The following POLR2D variants were observed in gnomAD, a reference collection of about 807,000 sequenced individuals.
The protein encoded by POLR2D is DNA-directed RNA polymerase II subunit RPB4.
In POLR2D, 10 loss-of-function variants were observed where a neutral mutation model predicts 17.6. The observed-to-expected ratio is 0.57, with a 90% confidence interval of 0.35 to 0.96. The LOEUF is 0.96. POLR2D is among the 40% of genes least tolerant of loss of function. The pLI, the probability that POLR2D is intolerant of heterozygous loss-of-function variation, is 0.02. For missense variants in POLR2D, 126 were observed against 176.4 expected (o/e 0.71, Z 1.62); for synonymous variants, 52 against 60.2 (o/e 0.86, Z 0.63).
chr2:127,848,123 C>A lies in POLR2D; in HGVS notation c.413G>T (p.Arg138Leu), dbSNP rs771326394. ...GTTTGGAGATTAATACTGAAAGCTGCGCTTTGTCTGGATATCATCAAGAAT... is the reference window on the plus strand; with the variant it reads ...GTTTGGAGATTAATACTGAAAGCTGAGCTTTGTCTGGATATCATCAAGAAT... The part of the protein sequence containing the change: ...QQILDDIQTK[R>L]SFQY The change falls in exon 4 of 4, where the codon CGC becomes CTC. Residue 138 changes from arginine to leucine, a missense_variant. Physicochemically the swap from Arg to Leu is moderately radical, Grantham distance 102 (BLOSUM62 -2). This residue lies in a region of POLR2D where 85 missense variants were observed against 151.4 expected (regional missense o/e 0.56). Coordinates refer to ENST00000272645, the MANE Select transcript of POLR2D (RefSeq NM_004805.4). 3.1e-6 allele frequency: 5 copies of A among 1,608,774 alleles called. No homozygotes were observed. The highest frequency in any genetic ancestry group is 3.4e-6 in the Non-Finnish European group (4 of 1,175,166).
chr2:127,856,311 G>T (rs1308192618), intron 1 of POLR2D, among the ~76,000 whole-genome samples: 1 of 10,860 alleles, frequency 9.2e-5, no homozygotes, highest in Non-Finnish European at 3.0e-4. Context: ...AAAAAAAAAG[G>T]CAGGGTGAGG....
chr2:127,847,306 T>C lies in POLR2D; in HGVS notation c.*801A>G, dbSNP rs1353174672. 6.6e-6 allele frequency: 1 copy of C among 152,218 alleles called. No individual in the cohort carries two copies. Among genetic ancestry groups the C allele is most frequent in the Non-Finnish European group, 1.5e-5 (1 of 68,092 alleles). The allele number at this position is 152,218 out of a possible 1,614,324, so 9.4% of individuals were successfully genotyped here. A position where few individuals can be genotyped will look rare whatever the true frequency, so the allele number is the denominator to read the frequency against. On this transcript the variant is annotated 3_prime_UTR_variant, in exon 4 of 4. Transcript: ENST00000272645. ...GGCGTGCTTCTTCCGTCTCCCAGGT[T>C]AGGCACAACGATGCCAAGGTGCTGT...
intron 3 of POLR2D, among the ~76,000 whole-genome samples, chr2:127,850,132 C>G (rs548041355): frequency 5.4e-4 from 82 of 151,864 alleles, no homozygotes; most frequent in Non-Finnish European, 8.7e-4. Context: ...AACCATCATT[C>G]TCACACACTG....
rs1183567640 is a variant in POLR2D, at chr2:127,858,149, G to T, written c.-49C>A. On this transcript the variant is annotated 5_prime_UTR_variant, in exon 1 of 4. Coordinates refer to ENST00000272645, the MANE Select transcript of POLR2D (RefSeq NM_004805.4). The stretch of plus-strand genomic sequence containing the variant: ...CACCAGCGCCGCCGGAAGCAGAAGC[G>T]CGGAGCAACGGCCGCGGAAGGGGCG... 26 of 1,352,970 alleles carry T rather than the reference G, an allele frequency of 1.9e-5. 2 individuals carry two copies. The highest frequency in any genetic ancestry group is 1.9e-6 in the Non-Finnish European group (2 of 1,037,286). 83.8% of individuals were successfully genotyped at this position (1,352,970 alleles called of 1,614,324 possible). A position where few individuals can be genotyped will look rare whatever the true frequency, so the allele number is the denominator to read the frequency against.
Position 127,845,909 on chromosome 2 carries a change from T to C in POLR2D, c.*2198A>G, listed in dbSNP as rs1690146119. The C allele has an allele frequency of 6.6e-6, 1 of 152,222 alleles. No individual in the cohort carries two copies. Among genetic ancestry groups the C allele is most frequent in the African/African-American group, 2.4e-5 (1 of 41,456 alleles). The allele number at this position is 152,222 out of a possible 1,614,324, so 9.4% of individuals were successfully genotyped here. On this transcript the variant is annotated 3_prime_UTR_variant, in exon 4 of 4. Coordinates refer to ENST00000272645, the MANE Select transcript of POLR2D (RefSeq NM_004805.4). ...AAAATACCCATGGGGCAGATACTAT[T>C]ATCCATATTTCACAATTGAGAACAC...
intron 1 of POLR2D, among the ~76,000 whole-genome samples, chr2:127,854,440 G>A (rs1690298301): frequency 6.6e-6 from 1 of 152,200 alleles, no homozygotes; most frequent in Non-Finnish European, 1.5e-5. Context: ...AAGCAACAGT[G>A]AGGAAAAGCC....
In POLR2D at chr2:127,846,309, A is replaced by G. The variant is rs762226582; in HGVS notation, c.*1798T>C. ...ATTCTTGCCTTATTTCGTAGCAAACATAAAACCATCCTGATTTTAAAAGCC... is the reference window on the plus strand; with the variant it reads ...ATTCTTGCCTTATTTCGTAGCAAACGTAAAACCATCCTGATTTTAAAAGCC... On this transcript the variant is annotated 3_prime_UTR_variant, in exon 4 of 4. Coordinates refer to ENST00000272645, the MANE Select transcript of POLR2D (RefSeq NM_004805.4). 1 of 152,210 alleles carries G rather than the reference A, an allele frequency of 6.6e-6. No homozygotes were observed. The highest frequency in any genetic ancestry group is 1.5e-5 in the Non-Finnish European group (1 of 68,048). The allele number at this position is 152,210 out of a possible 1,614,324, so 9.4% of individuals were successfully genotyped here.
chr2:127,852,361 GCCTCC>G lies in POLR2D; in HGVS notation c.254+559_254+563del, dbSNP rs1690265980. 6.6e-6 allele frequency among the ~76,000 whole-genome samples: 1 copy of G among 152,050 alleles called. No homozygotes were observed. The highest frequency in any genetic ancestry group is 6.6e-5 in the Admixed American group (1 of 15,264). ...AGGCTCACATGATCCTCCCACTTCA[GCCTCC>G]CAAGTAACTAGGACCACAGGTACCT... On this transcript the variant is annotated intron_variant, in intron 2 of 3. Coordinates refer to ENST00000272645, the MANE Select transcript of POLR2D (RefSeq NM_004805.4). This position sits in a 1 kb window ranked among gnomAD's most constrained non-coding sequence, Gnocchi z 4.0.
chr2:127,848,556 G>A (rs772213075), intron 3 of POLR2D, among the ~76,000 whole-genome samples: 6 of 152,092 alleles, frequency 3.9e-5, no homozygotes, highest in African/African-American at 1.4e-4. Flanking sequence ...TTGCTCTGTC[G>A]CCCAGGCTGG....
chr2:127,844,350 G>C lies in POLR2D; in HGVS notation c.*3757C>G, dbSNP rs985828814. 1 of 152,138 alleles carries C rather than the reference G, an allele frequency of 6.6e-6. No individual in the cohort carries two copies. The highest frequency in any genetic ancestry group is 1.5e-5 in the Non-Finnish European group (1 of 68,026). 9.4% of individuals were successfully genotyped at this position (152,138 alleles called of 1,614,324 possible). A position where few individuals can be genotyped will look rare whatever the true frequency, so the allele number is the denominator to read the frequency against. ...CTGTTACAGCGCAGGAACAAACTAA[G>C]ACACTAAAACTTTCAGAAAGACTTA... On this transcript the variant is annotated 3_prime_UTR_variant, in exon 4 of 4. Coordinates refer to ENST00000272645, the MANE Select transcript of POLR2D (RefSeq NM_004805.4).
intron 1 of POLR2D, among the ~76,000 whole-genome samples, chr2:127,856,309 A>AAAAAAAAAAAAAAAAAAAAAAT (rs1690328255): frequency 1.4e-5 from 2 of 147,060 alleles, no homozygotes; most frequent in African/African-American, 5.0e-5. Flanking sequence ...AAAAAAAAAA[A>AAAAAAAAAAAAAAAAAAAAAAT]GGCAGGGTGA....
intron 3 of POLR2D, among the ~76,000 whole-genome samples, chr2:127,849,244 T>C (rs779008851): frequency 2.0e-5 from 3 of 150,778 alleles, no homozygotes; most frequent in African/African-American, 4.9e-5. Flanking sequence ...AGTTCCACCA[T>C]GTTGGCCAGG....
chr2:127,850,286 CA>C (rs1558981412), intron 3 of POLR2D, among the ~76,000 whole-genome samples: 1 of 151,662 alleles, frequency 6.6e-6, no homozygotes, highest in African/African-American at 2.4e-5. Flanking sequence ...ACTAAAAACA[CA>C]AAATTAGCCA....
intron 1 of POLR2D, among the ~76,000 whole-genome samples, chr2:127,853,356 A>G (rs1217006036): frequency 6.6e-6 from 1 of 152,042 alleles, no homozygotes; most frequent in Non-Finnish European, 1.5e-5. Flanking sequence ...CATAGTACTG[A>G]TACATAGTTT....
In POLR2D at chr2:127,846,660, T is replaced by A. The variant is rs1328226583; in HGVS notation, c.*1447A>T. On this transcript the variant is annotated 3_prime_UTR_variant, in exon 4 of 4. Transcript: ENST00000272645. ...CTATGAAGTAAAAAAAAAAAAAAAT[T>A]TTTTTAAGTAGAATTGCAATTTTAT... The A allele has an allele frequency of 2.0e-5, 3 of 152,392 alleles. No homozygotes were observed. The highest frequency in any genetic ancestry group is 2.9e-5 in the Non-Finnish European group (2 of 68,032). 9.4% of individuals were successfully genotyped at this position (152,392 alleles called of 1,614,324 possible). A position where few individuals can be genotyped will look rare whatever the true frequency, so the allele number is the denominator to read the frequency against.
intron 3 of POLR2D, among the ~76,000 whole-genome samples, chr2:127,849,762 T>A (rs1690219631): frequency 6.6e-6 from 1 of 152,154 alleles, no homozygotes; most frequent in Admixed American, 6.5e-5. Context: ...CAGTGGAGCA[T>A]GAGGCTGGGC....
chr2:127,844,292 CTAT>C lies in POLR2D; in HGVS notation c.*3812_*3814del, dbSNP rs1426653482. The C allele has an allele frequency of 6.6e-6, 1 of 152,072 alleles. No homozygotes were observed. The highest frequency in any genetic ancestry group is 2.4e-5 in the African/African-American group (1 of 41,394). 9.4% of individuals were successfully genotyped at this position (152,072 alleles called of 1,614,324 possible). A position where few individuals can be genotyped will look rare whatever the true frequency, so the allele number is the denominator to read the frequency against. On this transcript the variant is annotated 3_prime_UTR_variant, in exon 4 of 4. Transcript: ENST00000272645. Reference sequence around the variant, plus strand: ...CTCCAAAACTGTGAGAAATAAATTCCTATTATTTATAGGTTACCCAGTCTAAGG... The same window carrying C: ...CTCCAAAACTGTGAGAAATAAATTCCTATTTATAGGTTACCCAGTCTAAGG...
At position 127,845,472 on chromosome 2, in the gene POLR2D, T is replaced by G. The variant is rs1472167126; in HGVS notation, c.*2635A>C. Reference sequence around the variant, plus strand: ...CTCGCCACCCCCTCTGCCTCCCAGGTTCAAGCAATTCTCCTGCCTCAGCCT... The same window carrying G: ...CTCGCCACCCCCTCTGCCTCCCAGGGTCAAGCAATTCTCCTGCCTCAGCCT... On this transcript the variant is annotated 3_prime_UTR_variant, in exon 4 of 4. Coordinates refer to ENST00000272645, the MANE Select transcript of POLR2D (RefSeq NM_004805.4). 6.8e-6 allele frequency: 1 copy of G among 146,474 alleles called. No homozygotes were observed. The highest frequency in any genetic ancestry group is 1.5e-5 in the Non-Finnish European group (1 of 67,472). 9.1% of individuals were successfully genotyped at this position (146,474 alleles called of 1,614,324 possible). A position where few individuals can be genotyped will look rare whatever the true frequency, so the allele number is the denominator to read the frequency against.
intron 3 of POLR2D, 149 bp downstream of exon 3, chr2:127,850,440 CA>C (rs60975701): frequency 0.057 from 6,104 of 107,920 alleles, 14 homozygotes; most frequent in African/African-American, 0.1. Flanking sequence ...AACTCCGTCT[CA>C]AAAAAAAAAA....
Sources: gnomAD v4.1 joint callset for allele counts (sites outside exome capture counted in the v4.1 genomes callset) on GRCh38, gnomAD v4.1.1 for gene constraint, gnomAD v4.1.1 regional missense constraint, Gnocchi (gnomAD v3.1) non-coding constraint, MANE v1.5 for transcripts, NCBI Gene and HGNC (gene_info 2026-07-23, HGNC 2026-07-21) for gene names.